WDR35: variants seen among roughly 807,000 people sequenced by gnomAD.
The protein encoded by WDR35 is WD repeat-containing protein 35.
A neutral mutation model predicts 158.3 loss-of-function variants in WDR35; 118 were observed. The ratio of observed to expected loss-of-function variants is 0.75; its 90% CI spans 0.64 to 0.87. WDR35 has a LOEUF of 0.87. Ranked by LOEUF, WDR35 falls within the 40% of genes least tolerant of loss-of-function variation. The pLI, the probability that WDR35 is intolerant of heterozygous loss-of-function variation, is 0.00. For synonymous variants in WDR35, 448 were observed against 476.1 expected, an observed-to-expected ratio of 0.94 and a Z score of 0.77; for missense variants, 1,263 against 1,405.8, an observed-to-expected ratio of 0.90 and a Z score of 1.62.
intron 16 of WDR35, among the ~76,000 whole-genome samples, chr2:19,945,129 C>A (rs1671006044): frequency 6.6e-6 from 1 of 151,918 alleles, no homozygotes; most frequent in Admixed American, 6.6e-5. Context: ...GAGAGTTGGC[C>A]AGAGTAGACT....
At chr2:19,932,230 T>C (rs145285339) in intron 23 of WDR35, 53 bp downstream of exon 23, 24 of 1,605,804 alleles carry the variant, frequency 1.5e-5, no homozygotes, top group Middle Eastern at 1.9e-4. Flanking sequence ...CTTTCATATA[T>C]TAAAATATTG....
chr2:19,989,212 C>T lies in WDR35; in HGVS notation c.95G>A (p.Gly32Asp). The change falls in exon 2 of 27, where the codon GGT becomes GAT. Residue 32 changes from glycine to aspartate, a missense_variant. By Grantham distance (94) the Gly-to-Asp change is moderately conservative. Transcript: ENST00000281405. ...AACTTTCAGTAATCCATCTTCACCA[C>T]CGCATGCTATGAACCCTTGTTCCTT... ...WNKEQGFIAC[G>D]GEDGLLKVLK... The T allele has an allele frequency of 6.2e-7, 1 of 1,614,214 alleles. No individual in the cohort carries two copies. The highest frequency in any genetic ancestry group is 1.3e-5 in the African/African-American group (1 of 75,044).
At chr2:19,970,452 T>C (rs942936005) in intron 8 of WDR35, among the ~76,000 whole-genome samples, 12 of 152,170 alleles carry the variant, frequency 7.9e-5, no homozygotes, top group African/African-American at 2.9e-4. Context: ...TTACTTTTCA[T>C]CTGTTTCCTT....
chr2:19,948,426 T>C (rs375403294), intron 13 of WDR35, among the ~76,000 whole-genome samples: 4 of 152,082 alleles, frequency 2.6e-5, no homozygotes, highest in African/African-American at 9.7e-5. Flanking sequence ...TACTGAAAAG[T>C]CTATTGAGGA....
chr2:19,933,458 T>C lies in WDR35; in HGVS notation c.2601A>G (p.Ala867=), dbSNP rs1357105052. ...CCTTTGGTTGACTACATTTCAAAAA[T>C]GCAGTCACTGCTTGTTCACACATTC... ...RVGMCEQAVT[A]FLKCSQPKAA... The change falls in exon 22 of 27, where the codon GCA becomes GCG. Residue 867 remains alanine (A), a synonymous_variant. Transcript: ENST00000281405. The C allele has an allele frequency of 5.6e-6, 9 of 1,613,900 alleles. No homozygotes were observed. Among genetic ancestry groups the C allele is most frequent in the Non-Finnish European group, 7.6e-6 (9 of 1,179,972 alleles).
At chr2:19,958,193 T>C (rs1671510128) in intron 11 of WDR35, among the ~76,000 whole-genome samples, 1 of 152,230 alleles carries the variant, frequency 6.6e-6, no homozygotes, top group South Asian at 2.1e-4. Context: ...GCTGCCCATG[T>C]GCTCCCACTA....
intron 8 of WDR35, among the ~76,000 whole-genome samples, chr2:19,970,755 G>A (rs1024004386): frequency 2.6e-5 from 4 of 152,044 alleles, no homozygotes; most frequent in African/African-American, 9.7e-5. Flanking sequence ...TATCCCTTCT[G>A]CCTGAAATCC....
At chr2:19,938,494 A>T in intron 17 of WDR35, 93 bp from the exon 18 acceptor site, 1 of 1,478,500 alleles carries the variant, frequency 6.8e-7, no homozygotes. Flanking sequence ...AAACAAAACA[A>T]GAAAAAAAAC....
At chr2:19,937,189 G>A (rs149594988) in intron 19 of WDR35, among the ~76,000 whole-genome samples, 1 of 152,288 alleles carries the variant, frequency 6.6e-6, no homozygotes, top group African/African-American at 2.4e-5. Flanking sequence ...GTGGTTCAGT[G>A]GCTAAGATTA....
At chr2:19,918,827 A>T (rs146503441) in intron 25 of WDR35, among the ~76,000 whole-genome samples, 12,870 of 152,210 alleles carry the variant, frequency 0.085, 637 homozygotes, top group East Asian at 0.23. Context: ...TGTCAATATT[A>T]GACAGATCAA....
chr2:19,980,220 C>A (rs1400835947), intron 4 of WDR35, among the ~76,000 whole-genome samples: 1 of 152,114 alleles, frequency 6.6e-6, no homozygotes, highest in Non-Finnish European at 1.5e-5. Context: ...ATTTATTGAA[C>A]ATGTACACTG....
chr2:19,965,875 G>A (rs900935211), intron 10 of WDR35, among the ~76,000 whole-genome samples: 1 of 152,136 alleles, frequency 6.6e-6, no homozygotes, highest in Non-Finnish European at 1.5e-5. Context: ...CAAGTCCTGT[G>A]CCTCTTTGGG....
intron 16 of WDR35, 43 bp downstream of exon 16, chr2:19,945,743 G>C: frequency 6.2e-6 from 10 of 1,605,938 alleles, no homozygotes; most frequent in Non-Finnish European, 8.5e-6. Context: ...TTTATATTTG[G>C]CTCATTATTT....
rs780244344 is a variant in WDR35 at position 19,910,402 on chromosome 2, G to A, written c.*3156C>T. 1 of 152,108 alleles carries A rather than the reference G, an allele frequency of 6.6e-6. No homozygotes were observed. The highest frequency in any genetic ancestry group is 1.5e-5 in the Non-Finnish European group (1 of 68,024). The allele number at this position is 152,108 out of a possible 1,614,324, so 9.4% of individuals were successfully genotyped here. Reference sequence around the variant, plus strand: ...AATTTATAATGAAATTAGCATTTGTGAATTAAGCATGTCAACATTACTGTG... The same window carrying A: ...AATTTATAATGAAATTAGCATTTGTAAATTAAGCATGTCAACATTACTGTG... On this transcript the variant is annotated 3_prime_UTR_variant, in exon 27 of 27. Coordinates refer to ENST00000281405, the MANE Select transcript of WDR35 (RefSeq NM_020779.4).
intron 17 of WDR35, 111 bp downstream of exon 17, chr2:19,941,648 G>A: frequency 1.3e-6 from 1 of 757,622 alleles, no homozygotes; most frequent in Non-Finnish European, 2.2e-6. Context: ...GGCTGGGCCT[G>A]AGATATATCT....
chr2:19,939,935 T>C (rs1439303815), intron 17 of WDR35, among the ~76,000 whole-genome samples: 2 of 151,850 alleles, frequency 1.3e-5, no homozygotes, highest in Non-Finnish European at 2.9e-5. Flanking sequence ...TTAGTTTGAT[T>C]CTACCCACTT....
Position 19,953,805 on chromosome 2 carries a change from T to A in WDR35, c.1400+29A>T, listed in dbSNP as rs760537954. The A allele has an allele frequency of 1.9e-6, 3 of 1,613,788 alleles. No individual in the cohort carries two copies. The East Asian group carries it at 6.7e-5, about 36-fold the overall frequency. On this transcript the variant is annotated intron_variant, in intron 12 of 26. Transcript: ENST00000281405. Reference sequence around the variant, plus strand: ...TGACTTCAATGTGATATGGTTGAGCTACTAAAAAGTATGTATCAAAAGATA... The same window carrying A: ...TGACTTCAATGTGATATGGTTGAGCAACTAAAAAGTATGTATCAAAAGATA...
chr2:19,978,669 T>C (rs1376870014), intron 5 of WDR35, 82 bp downstream of exon 5: 18 of 1,590,894 alleles, frequency 1.1e-5, no homozygotes, highest in East Asian at 2.2e-5. Flanking sequence ...AATGCTAACA[T>C]ATGGTAACTA....
At chr2:19,963,687 T>A (rs967304655) in intron 10 of WDR35, among the ~76,000 whole-genome samples, 1 of 152,160 alleles carries the variant, frequency 6.6e-6, no homozygotes, top group African/African-American at 2.4e-5. Flanking sequence ...AAATTTTTAG[T>A]GAGTTACACA....
Sources: allele counts gnomAD v4.1 joint callset (sites outside exome capture counted in the v4.1 genomes callset), GRCh38; gene constraint gnomAD v4.1.1; transcripts MANE v1.5; gene names NCBI Gene and HGNC (gene_info 2026-07-23, HGNC 2026-07-21).